The following SLC10A7 variants were observed in gnomAD, a reference collection of about 807,000 sequenced individuals.
SLC10A7 encodes sodium/bile acid cotransporter 7.
Under a neutral mutation model 43.2 loss-of-function variants are expected in SLC10A7, and 29 were observed. That is an observed-to-expected ratio of 0.67 (90% CI 0.50 to 0.92). SLC10A7 has a LOEUF of 0.92. Among genes scored for constraint, SLC10A7 ranks in the 40% least tolerant of loss-of-function variants. SLC10A7 has a pLI of 0.00. For synonymous variants in SLC10A7, 152 were observed against 144.8 expected (o/e 1.05, Z -0.35); for missense variants, 295 against 403.2 (o/e 0.73, Z 2.30).
rs76373613 is a variant in SLC10A7, at chr4:146,482,090, C to G, written c.396+21759G>C. Among the ~76,000 whole-genome samples the G allele has an allele frequency of 6.9e-3, 1,055 of 152,304 alleles. 10 individuals carry two copies. The highest frequency in any genetic ancestry group is 0.024 in the African/African-American group (1,007 of 41,556). ...CCACTATAATCTGTCCAACTGCCAC[C>G]CTTAGGCTCATCTTCAGGGACAAGT... On this transcript the variant is annotated intron_variant, in intron 4 of 11. Coordinates refer to ENST00000335472, the MANE Select transcript of SLC10A7 (RefSeq NM_001029998.6).
chr4:146,281,069 A>C (rs1304453916), intron 10 of SLC10A7, among the ~76,000 whole-genome samples: 2 of 152,168 alleles, frequency 1.3e-5, no homozygotes, highest in Non-Finnish European at 2.9e-5. Context: ...AGCAAACAGA[A>C]ATCCAATTTA....
In SLC10A7 at chr4:146,521,754, G is replaced by A; in HGVS notation, c.-37C>T. The A allele has an allele frequency of 6.4e-7, 1 of 1,564,236 alleles. No individual in the cohort carries two copies. Among genetic ancestry groups the A allele is most frequent in the African/African-American group, 1.4e-5 (1 of 73,698 alleles). Reference sequence around the variant, plus strand: ...TGGGTGGGTTTTGTTTATTTGTTTGGCTTTTTTTCTTTTCAAGCTCCGATC... The same window carrying A: ...TGGGTGGGTTTTGTTTATTTGTTTGACTTTTTTTCTTTTCAAGCTCCGATC... On this transcript the variant is annotated 5_prime_UTR_variant, in exon 1 of 12. Coordinates refer to ENST00000335472, the MANE Select transcript of SLC10A7 (RefSeq NM_001029998.6).
At chr4:146,494,027 T>C (rs1735681633) in intron 4 of SLC10A7, among the ~76,000 whole-genome samples, 2 of 152,190 alleles carry the variant, frequency 1.3e-5, no homozygotes, top group Non-Finnish European at 2.9e-5. Flanking sequence ...ACAGCAATAA[T>C]ATTGACTCAG....
intron 5 of SLC10A7, among the ~76,000 whole-genome samples, chr4:146,347,438 A>T (rs1406956630): frequency 6.6e-6 from 1 of 152,194 alleles, no homozygotes; most frequent in East Asian, 1.9e-4. Flanking sequence ...TTTGTTTTTT[A>T]AAAATTTTAC....
At chr4:146,480,016 C>G (rs550275904) in intron 4 of SLC10A7, among the ~76,000 whole-genome samples, 1 of 151,910 alleles carries the variant, frequency 6.6e-6, no homozygotes, top group East Asian at 1.9e-4. Flanking sequence ...TCAAAAATTC[C>G]CCTAGATGTC....
At chr4:146,502,254 C>T (rs953796771) in intron 4 of SLC10A7, among the ~76,000 whole-genome samples, 3 of 152,102 alleles carry the variant, frequency 2.0e-5, no homozygotes, top group East Asian at 1.9e-4. Flanking sequence ...AAATACAGTA[C>T]CAAATGTTGA....
At chr4:146,354,530 A>G (rs1578971219) in intron 5 of SLC10A7, among the ~76,000 whole-genome samples, 1 of 148,874 alleles carries the variant, frequency 6.7e-6, no homozygotes, top group Non-Finnish European at 1.5e-5. Flanking sequence ...CAGAATTGGA[A>G]AAAACTACTT....
At chr4:146,327,054 C>G (rs1733181777) in intron 5 of SLC10A7, among the ~76,000 whole-genome samples, 1 of 151,748 alleles carries the variant, frequency 6.6e-6, no homozygotes, top group African/African-American at 2.4e-5. Context: ...TCTGGGACTA[C>G]TTCATTACTT....
intron 1 of SLC10A7, 120 bp from the exon 2 acceptor site, chr4:146,517,240 A>C (rs1738099195): frequency 7.7e-6 from 5 of 648,852 alleles, no homozygotes; most frequent in Non-Finnish European, 1.3e-5. Context: ...AGGCGAGTAG[A>C]GCACTTGAGG....
chr4:146,285,490 T>C (rs1729835892), intron 9 of SLC10A7, among the ~76,000 whole-genome samples: 4 of 152,108 alleles, frequency 2.6e-5, no homozygotes, highest in Non-Finnish European at 5.9e-5. Flanking sequence ...GTAGAATGAG[T>C]ATAAGACCTT....
intron 5 of SLC10A7, among the ~76,000 whole-genome samples, chr4:146,427,147 C>G (rs1336571493): frequency 6.6e-6 from 1 of 151,748 alleles, no homozygotes; most frequent in African/African-American, 2.4e-5. Flanking sequence ...TTGGGTAACA[C>G]AGCAAAACCC....
intron 5 of SLC10A7, among the ~76,000 whole-genome samples, chr4:146,393,147 A>G (rs1228742852): frequency 7.7e-6 from 1 of 130,322 alleles, no homozygotes; most frequent in African/African-American, 2.9e-5. Flanking sequence ...AGCTGTGATC[A>G]TGCCACCACA....
intron 4 of SLC10A7, among the ~76,000 whole-genome samples, chr4:146,443,025 A>G (rs185870912): frequency 1.3e-5 from 2 of 152,334 alleles, no homozygotes; most frequent in African/African-American, 4.8e-5. Context: ...ATTCATAAAT[A>G]ATGGGTCTCA....
At chr4:146,292,646 T>G (rs1381193852) in intron 9 of SLC10A7, among the ~76,000 whole-genome samples, 1 of 152,160 alleles carries the variant, frequency 6.6e-6, no homozygotes, top group Non-Finnish European at 1.5e-5. Flanking sequence ...ATGGATGGTT[T>G]GCACCTGAAA....
intron 5 of SLC10A7, among the ~76,000 whole-genome samples, chr4:146,355,743 C>G (rs1251480453): frequency 7.3e-5 from 11 of 150,868 alleles, no homozygotes; most frequent in African/African-American, 2.4e-4. Context: ...TTTGTAGGGA[C>G]ATGGATGAAA....
At chr4:146,468,758 G>A (rs1446950355) in intron 4 of SLC10A7, among the ~76,000 whole-genome samples, 2 of 152,020 alleles carry the variant, frequency 1.3e-5, no homozygotes, top group Non-Finnish European at 2.9e-5. Flanking sequence ...CACCGCGCCT[G>A]GCCAGCAAGG....
chr4:146,285,781 G>C (rs1399559854), intron 9 of SLC10A7, among the ~76,000 whole-genome samples: 1 of 152,166 alleles, frequency 6.6e-6, no homozygotes, highest in Non-Finnish European at 1.5e-5. Context: ...TGAGTTTGTA[G>C]TGGTAAAAAG....
chr4:146,265,386 G>A (rs1728491160), intron 10 of SLC10A7, among the ~76,000 whole-genome samples: 4 of 152,202 alleles, frequency 2.6e-5, no homozygotes, highest in Admixed American at 2.6e-4. Flanking sequence ...CCTTGTTAAA[G>A]CTGAGCCCTG....
At chr4:146,438,201 G>A (rs563527983) in intron 5 of SLC10A7, among the ~76,000 whole-genome samples, 1 of 152,120 alleles carries the variant, frequency 6.6e-6, no homozygotes, top group South Asian at 2.1e-4. Flanking sequence ...GAACAATTGG[G>A]TAAGGGAAGA....
Sources: allele counts gnomAD v4.1 joint callset (sites outside exome capture counted in the v4.1 genomes callset), GRCh38; gene constraint gnomAD v4.1.1; transcripts MANE v1.5; gene names NCBI Gene and HGNC (gene_info 2026-07-23, HGNC 2026-07-21).